DRD2: variants seen among roughly 807,000 people sequenced by gnomAD.
DRD2 encodes dopamine receptor D2.
A neutral mutation model predicts 38.0 loss-of-function variants in DRD2; 8 were observed. The observed-to-expected ratio is 0.21, with a 90% CI of 0.12 to 0.38. The LOEUF (loss-of-function observed/expected upper bound fraction) is 0.38, where lower values mean the gene tolerates loss of function less well. DRD2 is among the 10% of genes least tolerant of loss of function. The pLI is 1.00. For missense variants in DRD2, 403 were observed against 607.7 expected, an observed-to-expected ratio of 0.66 and a Z score of 3.54; for synonymous variants, 230 against 238.6, an observed-to-expected ratio of 0.96 and a Z score of 0.33.
intron 1 of DRD2, among the ~76,000 whole-genome samples, chr11:113,464,119 T>G (rs1390835356): frequency 2.0e-5 from 3 of 152,220 alleles, no homozygotes; most frequent in Non-Finnish European, 4.4e-5. Flanking sequence ...CTTGCCACCC[T>G]GTCTTCACCT....
chr11:113,439,770 TA>T (rs1565670564), intron 1 of DRD2, among the ~76,000 whole-genome samples: 2 of 126,644 alleles, frequency 1.6e-5, no homozygotes, highest in African/African-American at 3.1e-5. Flanking sequence ...ACCCGGAAGG[TA>T]GAGGTTGCAG....
intron 1 of DRD2, among the ~76,000 whole-genome samples, chr11:113,448,995 C>G (rs2119894622): frequency 6.6e-6 from 1 of 152,336 alleles, no homozygotes; most frequent in Non-Finnish European, 1.5e-5. Context: ...CACCGCCTCG[C>G]TCAAAATATC....
chr11:113,424,830 G>C, intron 1 of DRD2, 148 bp from the exon 2 acceptor site: 1 of 778,510 alleles, frequency 1.3e-6, no homozygotes, highest in Non-Finnish European at 2.0e-6. Context: ...AAAAATGTTG[G>C]GCCTTCTGCC....
chr11:113,451,087 T>G (rs1217329127), intron 1 of DRD2, among the ~76,000 whole-genome samples: 1 of 152,150 alleles, frequency 6.6e-6, no homozygotes, highest in Non-Finnish European at 1.5e-5. Context: ...TGTAGTTACC[T>G]CTCTGGTTCC....
At chr11:113,446,197 A>G (rs977154760) in intron 1 of DRD2, among the ~76,000 whole-genome samples, 1 of 152,010 alleles carries the variant, frequency 6.6e-6, no homozygotes, top group Non-Finnish European at 1.5e-5. Context: ...AGCCCTGATG[A>G]CAGATCTGAT....
intron 1 of DRD2, among the ~76,000 whole-genome samples, chr11:113,448,508 G>C (rs1208435935): frequency 6.6e-6 from 1 of 152,196 alleles, no homozygotes; most frequent in Non-Finnish European, 1.5e-5. Flanking sequence ...TCTGAAGGAG[G>C]TGGCATCTCA....
chr11:113,468,350 T>C (rs1340337927), intron 1 of DRD2, among the ~76,000 whole-genome samples: 2 of 152,192 alleles, frequency 1.3e-5, no homozygotes, highest in African/African-American at 4.8e-5. Context: ...ATATATGTCA[T>C]TCATAAAACT....
At chr11:113,431,005 G>A (rs1030732130) in intron 1 of DRD2, among the ~76,000 whole-genome samples, 1 of 152,144 alleles carries the variant, frequency 6.6e-6, no homozygotes, top group African/African-American at 2.4e-5. Context: ...ATCAAAACAA[G>A]CATTTTGATT....
At chr11:113,431,850 A>G (rs1950990465) in intron 1 of DRD2, among the ~76,000 whole-genome samples, 1 of 152,208 alleles carries the variant, frequency 6.6e-6, no homozygotes, top group Admixed American at 6.5e-5. Context: ...CTAGCTCTCA[A>G]GTTGAGAAGT....
chr11:113,422,472 C>T (rs1014172624), intron 2 of DRD2, among the ~76,000 whole-genome samples: 4 of 152,124 alleles, frequency 2.6e-5, no homozygotes, highest in African/African-American at 9.7e-5. Flanking sequence ...GACCTAGGAC[C>T]CTCCTTTGGA....
chr11:113,434,365 G>A (rs1951016866), intron 1 of DRD2, among the ~76,000 whole-genome samples: 1 of 152,162 alleles, frequency 6.6e-6, no homozygotes, highest in African/African-American at 2.4e-5. Flanking sequence ...GGGTGAAGGG[G>A]CCAGTCCCTA....
intron 1 of DRD2, among the ~76,000 whole-genome samples, chr11:113,449,533 G>T (rs1006790653): frequency 2.6e-5 from 4 of 152,136 alleles, no homozygotes; most frequent in African/African-American, 9.7e-5. Context: ...CCAAGGGCAG[G>T]CTTGGAAAAG....
rs12225915 is a variant in DRD2 at position 113,466,208 on chromosome 11, C to T, written c.-32+8868G>A. 9.9e-4 allele frequency among the ~76,000 whole-genome samples: 151 copies of T among 152,260 alleles called. No individual in the cohort carries two copies. The East Asian group carries it at 0.022, about 22-fold the overall frequency. ...ATGCATAGCCCACTTCTTAAAAGTG[C>T]TTTGTGGAAAGATAGGTTCAAACTG... On this transcript the variant is annotated intron_variant, in intron 1 of 7. Transcript: ENST00000362072.
chr11:113,431,733 G>A (rs2471848), intron 1 of DRD2, among the ~76,000 whole-genome samples: 150,616 of 152,346 alleles, frequency 0.99, 74,478 homozygotes, highest in Middle Eastern at 1. Flanking sequence ...TATTAGGTCA[G>A]TTGGGATGTA....
At chr11:113,415,277 G>T in intron 5 of DRD2, 144 bp downstream of exon 5, 1 of 1,047,106 alleles carries the variant, frequency 9.6e-7, no homozygotes, top group Non-Finnish European at 1.3e-6. Context: ...TTCAAAATCT[G>T]CCCTTGCCCG....
At chr11:113,453,250 A>C (rs952930929) in intron 1 of DRD2, among the ~76,000 whole-genome samples, 14 of 152,270 alleles carry the variant, frequency 9.2e-5, no homozygotes, top group African/African-American at 3.4e-4. Flanking sequence ...TGAAAAACCC[A>C]CTTAACTGCT....
At chr11:113,443,749 T>C (rs1951114458) in intron 1 of DRD2, among the ~76,000 whole-genome samples, 1 of 152,156 alleles carries the variant, frequency 6.6e-6, no homozygotes, top group African/African-American at 2.4e-5. Context: ...AGTCAAAATA[T>C]TGATCCATGA....
At chr11:113,439,838 CAAAAAAAAAAAAAAAAAAAA>C (rs67577307) in intron 1 of DRD2, among the ~76,000 whole-genome samples, 197 of 16,256 alleles carry the variant, frequency 0.012, 6 homozygotes, top group South Asian at 0.051. Context: ...GGCTCTGTCT[CAAAAAAAAAAAAAAAAAAAA>C]AAAAAAAAAA....
intron 1 of DRD2, among the ~76,000 whole-genome samples, chr11:113,450,595 A>C (rs1478888780): frequency 6.6e-6 from 1 of 152,242 alleles, no homozygotes; most frequent in Non-Finnish European, 1.5e-5. Flanking sequence ...TGATCATGGT[A>C]TCCTTAGCAG....
Sources: allele counts gnomAD v4.1 joint callset (sites outside exome capture counted in the v4.1 genomes callset), GRCh38; gene constraint gnomAD v4.1.1; transcripts MANE v1.5; gene names NCBI Gene and HGNC (gene_info 2026-07-23, HGNC 2026-07-21).